The following CDKN2B-AS1 variants were observed in gnomAD, a reference collection of about 807,000 sequenced individuals.
CDKN2B-AS1 encodes CDKN2B antisense RNA 1 (non-protein coding).
At chr9:22,097,589 A>G (rs1367178518) in intron 4 of CDKN2B-AS1, among the ~76,000 whole-genome samples, 2 of 152,194 alleles carry the variant, frequency 1.3e-5, no homozygotes, top group East Asian at 1.9e-4. Flanking sequence ...CCGTACAGAC[A>G]TAGCTTTAAA....
Position 22,006,377 on chromosome 9 carries a change from C to G in CDKN2B-AS1, n.29+11216C>G, listed in dbSNP as rs1587382686. 1.6e-6 allele frequency: 2 copies of G among 1,268,564 alleles called. No homozygotes were observed. The highest frequency in any genetic ancestry group is 2.2e-6 in the Non-Finnish European group (2 of 906,108). 78.6% of individuals were successfully genotyped at this position (1,268,564 alleles called of 1,614,324 possible). On this transcript the variant is annotated intron_variant and non_coding_transcript_variant, in intron 1 of 4. Coordinates refer to ENST00000650946, the Ensembl canonical transcript of CDKN2B-AS1. This position sits in a 1 kb window ranked among gnomAD's most constrained non-coding sequence, Gnocchi z 6.4. ...AGTTTTCACCCAGTGCAGAGGTGTT[C>G]AGGTCTCTGATGTCTGGTGTTTCTT...
In CDKN2B-AS1 at chr9:22,110,479, T is replaced by G. The variant is rs17761319; in HGVS notation, n.439-16624T>G. Reference sequence around the variant, plus strand: ...ATACAGTACTTTTTGGTATTTTCTTTTTGCAAGTGTTACAAATATCTGCAT... The same window carrying G: ...ATACAGTACTTTTTGGTATTTTCTTGTTGCAAGTGTTACAAATATCTGCAT... On this transcript the variant is annotated intron_variant and non_coding_transcript_variant, in intron 4 of 4. Transcript: ENST00000650946. 9.2e-3 allele frequency among the ~76,000 whole-genome samples: 1,397 copies of G among 152,262 alleles called. 116 individuals carry two copies. In the East Asian group the frequency reaches 0.19, roughly 21 times the overall value.
intron 4 of CDKN2B-AS1, among the ~76,000 whole-genome samples, chr9:22,081,628 C>G (rs1011760327): frequency 1.1e-4 from 17 of 152,196 alleles, no homozygotes; most frequent in African/African-American, 3.9e-4. Flanking sequence ...GGGACAGGCC[C>G]ATGATCAGTG....
intron 1 of CDKN2B-AS1, among the ~76,000 whole-genome samples, chr9:22,020,583 G>A (rs1049592353): frequency 4.6e-5 from 7 of 152,132 alleles, no homozygotes; most frequent in African/African-American, 1.7e-4. Context: ...TGACTTGTGT[G>A]AGATAGTATC....
At chr9:22,111,421 T>C (rs74516198) in intron 4 of CDKN2B-AS1, among the ~76,000 whole-genome samples, 3 of 152,308 alleles carry the variant, frequency 2.0e-5, no homozygotes, top group African/African-American at 7.2e-5. Flanking sequence ...GTCTGACTAA[T>C]GCCTTCCATT....
chr9:22,106,334 G>C (rs1825658404), intron 4 of CDKN2B-AS1, among the ~76,000 whole-genome samples: 1 of 152,226 alleles, frequency 6.6e-6, no homozygotes, highest in Middle Eastern at 3.4e-3. Flanking sequence ...GCCCGCCTCA[G>C]CCTCTCAAAG....
At chr9:22,088,153 C>A (rs1824928217) in intron 4 of CDKN2B-AS1, among the ~76,000 whole-genome samples, 1 of 152,144 alleles carries the variant, frequency 6.6e-6, no homozygotes, top group Non-Finnish European at 1.5e-5. Flanking sequence ...GGCCTGGCAT[C>A]CCAAACAATA....
At chr9:22,040,259 G>A (rs925622463) in intron 1 of CDKN2B-AS1, among the ~76,000 whole-genome samples, 7 of 151,990 alleles carry the variant, frequency 4.6e-5, no homozygotes, top group Non-Finnish European at 1.0e-4. Context: ...TTCCTTATCA[G>A]CATTCTATGG....
chr9:22,087,782 A>G (rs901124165), intron 4 of CDKN2B-AS1, among the ~76,000 whole-genome samples: 7 of 152,334 alleles, frequency 4.6e-5, no homozygotes, highest in African/African-American at 1.4e-4. Flanking sequence ...AATTATATCC[A>G]TTTATTTTGA....
intron 4 of CDKN2B-AS1, among the ~76,000 whole-genome samples, chr9:22,123,735 G>A (rs1177444161): frequency 6.6e-6 from 1 of 152,140 alleles, no homozygotes; most frequent in Non-Finnish European, 1.5e-5. Context: ...TGTGGTAAAG[G>A]GATTAGATTT....
intron 1 of CDKN2B-AS1, among the ~76,000 whole-genome samples, chr9:22,043,908 A>G (rs905150105): frequency 5.3e-5 from 8 of 152,026 alleles, no homozygotes; most frequent in Admixed American, 1.3e-4. Flanking sequence ...AACTCTACCC[A>G]TGAGATTCAT....
chr9:22,066,197 A>G (rs1339083830), intron 4 of CDKN2B-AS1: 5 of 138,668 alleles, frequency 3.6e-5, no homozygotes, highest in Non-Finnish European at 7.7e-5. Context: ...TAAACATTAG[A>G]TTTTTAAAAA....
intron 1 of CDKN2B-AS1, among the ~76,000 whole-genome samples, chr9:22,028,096 C>T (rs748719979): frequency 3.3e-5 from 5 of 152,096 alleles, no homozygotes; most frequent in Non-Finnish European, 7.4e-5. Flanking sequence ...GGACGTTCTG[C>T]AGGACTATTT....
At chr9:22,126,666 G>C (rs1051801669) in intron 4 of CDKN2B-AS1, among the ~76,000 whole-genome samples, 1 of 147,818 alleles carries the variant, frequency 6.8e-6, no homozygotes, top group East Asian at 2.0e-4. Context: ...TCCGCCTCCG[G>C]AGTTCACGCC....
chr9:22,041,817 A>T (rs1822908870), intron 1 of CDKN2B-AS1, among the ~76,000 whole-genome samples: 1 of 152,044 alleles, frequency 6.6e-6, no homozygotes, highest in African/African-American at 2.4e-5. Context: ...TTTTGAAAAA[A>T]ATTTCAGAAA....
intron 4 of CDKN2B-AS1, chr9:22,120,277 C>T (rs190366157): frequency 2.6e-5 from 4 of 152,270 alleles, no homozygotes; most frequent in Admixed American, 6.5e-5. Context: ...TACATGGAGG[C>T]TAGGGCCAGA....
chr9:22,015,406 T>G (rs527531184), intron 1 of CDKN2B-AS1, among the ~76,000 whole-genome samples: 1 of 152,324 alleles, frequency 6.6e-6, no homozygotes, highest in Admixed American at 6.5e-5. Flanking sequence ...AATCAGGTAA[T>G]GTAACCCCTC....
At chr9:22,087,385 C>T (rs1043089833) in intron 4 of CDKN2B-AS1, among the ~76,000 whole-genome samples, 1 of 152,084 alleles carries the variant, frequency 6.6e-6, no homozygotes, top group Admixed American at 6.6e-5. Flanking sequence ...AAACTGGATC[C>T]CTGATGACAT....
At chr9:22,015,059 G>A (rs538742561) in intron 1 of CDKN2B-AS1, among the ~76,000 whole-genome samples, 17 of 151,858 alleles carry the variant, frequency 1.1e-4, no homozygotes, top group East Asian at 5.8e-4. Context: ...GAATAGTGCC[G>A]CAATAAACAT....
Sources: allele counts gnomAD v4.1 joint callset (sites outside exome capture counted in the v4.1 genomes callset), GRCh38; gene constraint gnomAD v4.1.1; non-coding constraint Gnocchi (gnomAD v3.1); transcripts MANE v1.5; gene names NCBI Gene and HGNC (gene_info 2026-07-23, HGNC 2026-07-21).